The following NOL4 variants were observed in gnomAD, a reference collection of about 807,000 sequenced individuals.
NOL4 encodes the protein cancer/testis antigen 125.
NOL4 carries 17 observed loss-of-function variants against 75.9 expected under a neutral mutation model. The ratio of observed to expected loss-of-function variants is 0.22; its 90% CI spans 0.15 to 0.34. NOL4 has a LOEUF of 0.34. Ranked by LOEUF, NOL4 falls within the 10% of genes least tolerant of loss-of-function variation. NOL4 has a pLI of 1.00. For missense variants in NOL4, 614 were observed against 793.5 expected, an observed-to-expected ratio of 0.77 and a Z score of 2.72; for synonymous variants, 292 against 289.9, an observed-to-expected ratio of 1.01 and a Z score of -0.07.
chr18:34,067,808 T>G (rs1000458636), intron 5 of NOL4, among the ~76,000 whole-genome samples: 1 of 152,066 alleles, frequency 6.6e-6, no homozygotes, highest in Admixed American at 6.6e-5. Flanking sequence ...ATGTGTTTAT[T>G]TTTTTTAATT....
At chr18:34,143,365 T>C (rs2081266217) in intron 1 of NOL4, among the ~76,000 whole-genome samples, 1 of 152,206 alleles carries the variant, frequency 6.6e-6, no homozygotes, top group South Asian at 2.1e-4. Context: ...AAACTTCATA[T>C]AAGTGACCAA....
intron 9 of NOL4, among the ~76,000 whole-genome samples, chr18:33,884,749 T>C (rs1169745856): frequency 1.3e-5 from 2 of 152,096 alleles, no homozygotes; most frequent in African/African-American, 2.4e-5. Flanking sequence ...AACAAGTAAA[T>C]TTCAAATACA....
intron 5 of NOL4, among the ~76,000 whole-genome samples, chr18:34,087,338 T>G (rs921079999): frequency 6.6e-6 from 1 of 152,096 alleles, no homozygotes; most frequent in African/African-American, 2.4e-5. Flanking sequence ...TATTTTTTGT[T>G]AACTTACTCC....
At chr18:33,967,575 A>G (rs1367622936) in intron 6 of NOL4, among the ~76,000 whole-genome samples, 1 of 152,196 alleles carries the variant, frequency 6.6e-6, no homozygotes, top group Admixed American at 6.5e-5. Flanking sequence ...CATCCAACAA[A>G]GTTCTAACAT....
At chr18:33,939,724 C>T (rs1443541059) in intron 9 of NOL4, among the ~76,000 whole-genome samples, 2 of 151,992 alleles carry the variant, frequency 1.3e-5, no homozygotes, top group African/African-American at 4.8e-5. Flanking sequence ...TGCAAAGAGA[C>T]AATTTGACTT....
chr18:34,078,095 A>G (rs2077830207), intron 5 of NOL4, among the ~76,000 whole-genome samples: 1 of 152,142 alleles, frequency 6.6e-6, no homozygotes, highest in Admixed American at 6.5e-5. Flanking sequence ...ACTTTCTCTC[A>G]TTTTTAGATA....
At chr18:33,978,247 A>G (rs1295315200) in intron 6 of NOL4, among the ~76,000 whole-genome samples, 2 of 152,182 alleles carry the variant, frequency 1.3e-5, no homozygotes, top group East Asian at 3.8e-4. Flanking sequence ...TAGAAATTTC[A>G]TATGCATATA....
chr18:34,158,803 T>C (rs1456848446), intron 1 of NOL4, among the ~76,000 whole-genome samples: 2 of 152,208 alleles, frequency 1.3e-5, no homozygotes, highest in Admixed American at 1.3e-4. Context: ...CAGTGTTTTG[T>C]AGAATTAAAC....
chr18:33,885,437 A>T (rs1290707986), intron 9 of NOL4, among the ~76,000 whole-genome samples: 2 of 152,132 alleles, frequency 1.3e-5, no homozygotes, highest in African/African-American at 4.8e-5. Context: ...ACCAGGGTTT[A>T]ATAACCAGAA....
chr18:33,903,631 CA>C (rs1409106711), intron 9 of NOL4, among the ~76,000 whole-genome samples: 1 of 152,088 alleles, frequency 6.6e-6, no homozygotes, highest in Non-Finnish European at 1.5e-5. Context: ...GGCCACTATT[CA>C]AAGAGATTTG....
chr18:34,046,795 C>T (rs951990084), intron 5 of NOL4, among the ~76,000 whole-genome samples: 2 of 151,204 alleles, frequency 1.3e-5, no homozygotes, highest in Non-Finnish European at 2.9e-5. Flanking sequence ...TGGTTTGTCT[C>T]CTTGCTATCC....
intron 8 of NOL4, among the ~76,000 whole-genome samples, chr18:33,945,407 C>A (rs541663612): frequency 3.2e-4 from 48 of 151,816 alleles, no homozygotes; most frequent in African/African-American, 1.1e-3. Context: ...TAAAATACCC[C>A]TTCAATTAAT....
intron 1 of NOL4, among the ~76,000 whole-genome samples, chr18:34,168,892 T>TA (rs1202632850): frequency 1.3e-5 from 2 of 151,660 alleles, no homozygotes; most frequent in African/African-American, 2.4e-5. Context: ...ATAAACAAGA[T>TA]AGATATGACA....
At chr18:33,968,336 G>T (rs1035015808) in intron 6 of NOL4, among the ~76,000 whole-genome samples, 1 of 152,074 alleles carries the variant, frequency 6.6e-6, no homozygotes, top group Admixed American at 6.6e-5. Flanking sequence ...GCAATTATAT[G>T]TTCATCACAG....
chr18:33,862,938 G>A (rs201077660), intron 10 of NOL4, among the ~76,000 whole-genome samples: 1 of 151,886 alleles, frequency 6.6e-6, no homozygotes, highest in Non-Finnish European at 1.5e-5. Flanking sequence ...CCCAAAGGAC[G>A]ATAAATCATG....
chr18:34,214,286 C>A (rs2036720322), intron 1 of NOL4, among the ~76,000 whole-genome samples: 1 of 136,894 alleles, frequency 7.3e-6, no homozygotes, highest in Non-Finnish European at 1.5e-5. Context: ...TTAATCTCAG[C>A]CCAATATATT....
intron 1 of NOL4, among the ~76,000 whole-genome samples, chr18:34,139,956 C>A (rs1030631452): frequency 6.6e-6 from 1 of 152,164 alleles, no homozygotes; most frequent in African/African-American, 2.4e-5. Context: ...CATTCAGGAG[C>A]AGGTTGTTCG....
chr18:34,210,173 G>T (rs1009058792), intron 1 of NOL4, among the ~76,000 whole-genome samples: 6 of 152,056 alleles, frequency 3.9e-5, no homozygotes, highest in African/African-American at 1.2e-4. Context: ...TTTGTGATAG[G>T]ACAAAGATCT....
chr18:33,957,242 CACTA>C, intron 8 of NOL4, 80 bp downstream of exon 8: 1 of 1,145,256 alleles, frequency 8.7e-7, no homozygotes, highest in Non-Finnish European at 1.2e-6. Flanking sequence ...TAAAAAAAGA[CACTA>C]AGATGGAAAA....
Sources: gnomAD v4.1 joint callset for allele counts (sites outside exome capture counted in the v4.1 genomes callset) on GRCh38, gnomAD v4.1.1 for gene constraint, MANE v1.5 for transcripts, NCBI Gene and HGNC (gene_info 2026-07-23, HGNC 2026-07-21) for gene names.